FBXO32: variants seen among roughly 807,000 people sequenced by gnomAD.
FBXO32 encodes the protein F-box protein 32.
Under a neutral mutation model 48.3 loss-of-function variants are expected in FBXO32, and 15 were observed. The observed-to-expected ratio is 0.31, with a 90% CI of 0.21 to 0.48. The LOEUF (loss-of-function observed/expected upper bound fraction) is 0.48, where lower values mean the gene tolerates loss of function less well. Ranked by LOEUF, FBXO32 falls within the 20% of genes least tolerant of loss-of-function variation. The probability of loss-of-function intolerance (pLI) is 0.99; values close to 1 mark genes in which losing one functional copy is unlikely to be tolerated. For missense variants in FBXO32, 309 were observed against 432.7 expected (o/e 0.71, Z 2.54); for synonymous variants, 154 against 165.9 (o/e 0.93, Z 0.55).
rs552041534 is a variant in FBXO32, at chr8:123,533,605, C to T, written c.230-365G>A. On this transcript the variant is annotated intron_variant, in intron 2 of 8. Coordinates refer to ENST00000517956, the MANE Select transcript of FBXO32 (RefSeq NM_058229.4). ...GGCGGATCACTAGAGGTCAGGAGTT[C>T]GAGACCAGCCTGGCCAACATGGTGA... is the stretch of plus-strand genomic sequence containing the variant. Among the ~76,000 whole-genome samples the T allele has an allele frequency of 3.9e-5, 6 of 152,172 alleles. No homozygotes were observed. The East Asian group carries it at 9.7e-4, about 25-fold the overall frequency.
At position 123,506,524 on chromosome 8, in the gene FBXO32, C is replaced by T; in HGVS notation, c.702G>A (p.Leu234=). ...TFTDLPLCLQ[L]NIMQRLSDGR... is the part of the protein sequence containing the mutation. ...CGTCGCTCAGCCTCTGCATGATGTT[C>T]AGTTGTAGGCACAAAGGCAGGTCAG... Residue 234 remains leucine, a synonymous_variant, in exon 7 of 9, where the codon CTG becomes CTA. Transcript: ENST00000517956. This position sits in a 1 kb window ranked among gnomAD's most constrained non-coding sequence, Gnocchi z 4.0. 6.2e-7 allele frequency: 1 copy of T among 1,611,640 alleles called. No individual in the cohort carries two copies. The highest frequency in any genetic ancestry group is 8.5e-7 in the Non-Finnish European group (1 of 1,178,224).
chr8:123,516,382 C>T (rs575412876), intron 4 of FBXO32, among the ~76,000 whole-genome samples: 9 of 152,284 alleles, frequency 5.9e-5, no homozygotes, highest in Admixed American at 3.9e-4. Context: ...CTAGAATCTC[C>T]GCTCCTAGGA....
At chr8:123,520,587 C>T (rs1341428989) in intron 4 of FBXO32, among the ~76,000 whole-genome samples, 4 of 152,096 alleles carry the variant, frequency 2.6e-5, no homozygotes, top group Non-Finnish European at 4.4e-5. Context: ...AATCTCAGAG[C>T]GGATATCAAC....
intron 4 of FBXO32, among the ~76,000 whole-genome samples, chr8:123,520,487 A>C (rs1816930537): frequency 6.6e-6 from 1 of 152,142 alleles, no homozygotes; most frequent in African/African-American, 2.4e-5. Flanking sequence ...CGCATGCTGA[A>C]ACCACATCCT....
At chr8:123,537,229 A>G (rs1817325259) in intron 1 of FBXO32, among the ~76,000 whole-genome samples, 1 of 150,030 alleles carries the variant, frequency 6.7e-6, no homozygotes, top group Non-Finnish European at 1.5e-5. Context: ...TAGGAATTGG[A>G]GCACAGGATT....
At chr8:123,538,805 A>G (rs536267435) in intron 1 of FBXO32, among the ~76,000 whole-genome samples, 1 of 152,244 alleles carries the variant, frequency 6.6e-6, no homozygotes, top group South Asian at 2.1e-4. Flanking sequence ...AAATGGGAAG[A>G]AAAAGAGGCT....
chr8:123,506,704 G>C lies in FBXO32; in HGVS notation c.652-130C>G. On this transcript the variant is annotated intron_variant, in intron 6 of 8. Transcript: ENST00000517956. This position sits in a 1 kb window ranked among gnomAD's most constrained non-coding sequence, Gnocchi z 4.0. Reference sequence around the variant, plus strand: ...GTTTATTGATAAGAGGTCGAAAGCAGTAGTAAATCTCCCCATCCTAAATGC... The same window carrying C: ...GTTTATTGATAAGAGGTCGAAAGCACTAGTAAATCTCCCCATCCTAAATGC... 1 of 716,050 alleles carries C rather than the reference G, an allele frequency of 1.4e-6. No homozygotes were observed. The highest frequency in any genetic ancestry group is 2.3e-6 in the Non-Finnish European group (1 of 428,796). The allele number at this position is 716,050 out of a possible 1,614,324, so 44.4% of individuals were successfully genotyped here. A position where few individuals can be genotyped will look rare whatever the true frequency, so the allele number is the denominator to read the frequency against.
chr8:123,529,982 G>T (rs1247225271), intron 4 of FBXO32, among the ~76,000 whole-genome samples: 1 of 152,120 alleles, frequency 6.6e-6, no homozygotes, highest in Non-Finnish European at 1.5e-5. Context: ...CTTAGCAATG[G>T]AAGTTTCCAG....
chr8:123,509,615 A>G (rs1816697647), intron 6 of FBXO32, among the ~76,000 whole-genome samples: 2 of 152,150 alleles, frequency 1.3e-5, no homozygotes, highest in Admixed American at 1.3e-4. Flanking sequence ...TGGGAGAATC[A>G]TGTGAGCCCA....
chr8:123,519,928 C>T (rs1816916898), intron 4 of FBXO32, among the ~76,000 whole-genome samples: 1 of 152,152 alleles, frequency 6.6e-6, no homozygotes, highest in Admixed American at 6.5e-5. Flanking sequence ...GCTGGGATTA[C>T]AGGCACCCGC....
Position 123,506,519 on chromosome 8 carries a change from A to G in FBXO32, c.707T>C (p.Ile236Thr). The change falls in exon 7 of 9, where the codon ATC becomes ACC. Residue 236 changes from isoleucine (I) to threonine (T), a missense_variant. Transcript: ENST00000517956. The surrounding 1 kb of genome is among the most constrained non-coding windows in gnomAD (Gnocchi z 4.0). ...CCGCCCGTCGCTCAGCCTCTGCATG[A>G]TGTTCAGTTGTAGGCACAAAGGCAG... ...TDLPLCLQLN[I>T]MQRLSDGRDL... 6.2e-7 allele frequency: 1 copy of G among 1,613,426 alleles called. No homozygotes were observed. Among genetic ancestry groups the G allele is most frequent in the Non-Finnish European group, 8.5e-7 (1 of 1,179,598 alleles).
At chr8:123,523,074 G>T (rs560643014) in intron 4 of FBXO32, among the ~76,000 whole-genome samples, 3 of 152,124 alleles carry the variant, frequency 2.0e-5, no homozygotes, top group Non-Finnish European at 4.4e-5. Context: ...ATCAATTACC[G>T]CTCCTTGCCA....
At position 123,506,628 on chromosome 8, in the gene FBXO32, AG is replaced by A. The variant is rs1816629493; in HGVS notation, c.652-55del. 1.0e-5 allele frequency: 15 copies of A among 1,463,692 alleles called. No individual in the cohort carries two copies. The highest frequency in any genetic ancestry group is 1.3e-5 in the Non-Finnish European group (14 of 1,072,192). The allele number at this position is 1,463,692 out of a possible 1,614,324, so 90.7% of individuals were successfully genotyped here. On this transcript the variant is annotated intron_variant, in intron 6 of 8. Transcript: ENST00000517956. This position sits in a 1 kb window ranked among gnomAD's most constrained non-coding sequence, Gnocchi z 4.0. ...GGGGGCCAGAGAGCAGCGATTCACCAGGCCACACCCTCCAGGCATGCAGCTG... is the reference window on the plus strand; with the variant it reads ...GGGGGCCAGAGAGCAGCGATTCACCAGCCACACCCTCCAGGCATGCAGCTG...
rs1183522964 is a variant in FBXO32 at position 123,513,538 on chromosome 8, G to A, written c.467-156C>T. Among the ~76,000 whole-genome samples the A allele has an allele frequency of 6.6e-6, 1 of 152,178 alleles. No individual in the cohort carries two copies. Among genetic ancestry groups the A allele is most frequent in the Non-Finnish European group, 1.5e-5 (1 of 68,028 alleles). On this transcript the variant is annotated intron_variant, in intron 5 of 8. Coordinates refer to ENST00000517956, the MANE Select transcript of FBXO32 (RefSeq NM_058229.4). This position sits in a 1 kb window ranked among gnomAD's most constrained non-coding sequence, Gnocchi z 4.3. Reference sequence around the variant, plus strand: ...CTCACCAGTGTTTATTGTACGCTTGGCCAAGCTTCTGCACTTGAGGTTAAA... The same window carrying A: ...CTCACCAGTGTTTATTGTACGCTTGACCAAGCTTCTGCACTTGAGGTTAAA...
intron 1 of FBXO32, among the ~76,000 whole-genome samples, chr8:123,538,846 A>T (rs930311165): frequency 3.3e-5 from 5 of 152,174 alleles, no homozygotes; most frequent in Non-Finnish European, 7.3e-5. Context: ...GGGGCTGTGC[A>T]GGAAACCACC....
chr8:123,514,677 G>A (rs888970389), intron 4 of FBXO32, among the ~76,000 whole-genome samples: 1 of 152,228 alleles, frequency 6.6e-6, no homozygotes, highest in African/African-American at 2.4e-5. Flanking sequence ...GCTGAGTTCT[G>A]CAGAATCACC....
intron 1 of FBXO32, among the ~76,000 whole-genome samples, chr8:123,535,184 C>G (rs1237925046): frequency 1.3e-5 from 2 of 152,014 alleles, no homozygotes; most frequent in Non-Finnish European, 2.9e-5. Context: ...TTACTGGTAT[C>G]GCTGTACTAC....
intron 1 of FBXO32, 81 bp from the exon 2 acceptor site, chr8:123,534,895 G>C: frequency 2.5e-6 from 2 of 787,030 alleles, no homozygotes; most frequent in Non-Finnish European, 4.1e-6. Flanking sequence ...AACTCACTGA[G>C]TTATAAGACA....
chr8:123,528,897 T>TAGCAA (rs1471993172), intron 4 of FBXO32, among the ~76,000 whole-genome samples: 10 of 152,174 alleles, frequency 6.6e-5, no homozygotes, highest in Non-Finnish European at 1.0e-4. Flanking sequence ...GCAAAACCAG[T>TAGCAA]AATCATTGTA....
Sources: allele counts gnomAD v4.1 joint callset (sites outside exome capture counted in the v4.1 genomes callset), GRCh38; gene constraint gnomAD v4.1.1; non-coding constraint Gnocchi (gnomAD v3.1); transcripts MANE v1.5; gene names NCBI Gene and HGNC (gene_info 2026-07-23, HGNC 2026-07-21).